Variants in TTLL7 observed in about 807,000 individuals in gnomAD.
TTLL7 encodes tubulin tyrosine ligase like 7.
TTLL7 carries 53 observed loss-of-function variants against 120.2 expected under a neutral mutation model. That is an observed-to-expected ratio of 0.44 (90% CI 0.35 to 0.55). The LOEUF (loss-of-function observed/expected upper bound fraction) is 0.55, where lower values mean the gene tolerates loss of function less well. Ranked by LOEUF, TTLL7 falls within the 20% of genes least tolerant of loss-of-function variation. The probability of loss-of-function intolerance (pLI) is 0.00; values close to 1 mark genes in which losing one functional copy is unlikely to be tolerated. For missense variants in TTLL7, 803 were observed against 1,054.7 expected, an observed-to-expected ratio of 0.76 and a Z score of 3.31; for synonymous variants, 353 against 351.7, an observed-to-expected ratio of 1.00 and a Z score of -0.04.
At chr1:83,919,856 C>A (rs1658494009) in intron 12 of TTLL7, 22 bp from the exon 13 acceptor site, 3 of 1,602,714 alleles carry the variant, frequency 1.9e-6, no homozygotes, top group Non-Finnish European at 2.6e-6. Context: ...TCAGATAAAC[C>A]AATTTTTTAA....
chr1:83,920,042 G>A (rs1658511496), intron 12 of TTLL7, among the ~76,000 whole-genome samples: 1 of 152,120 alleles, frequency 6.6e-6, no homozygotes, highest in East Asian at 1.9e-4. Context: ...GATTCACTTA[G>A]TAACTTTCTA....
Position 83,919,850 on chromosome 1 carries a change from A to G in TTLL7, c.1365-16T>C. On this transcript the variant is annotated splice_polypyrimidine_tract_variant and intron_variant, in intron 12 of 20. Transcript: ENST00000260505. ...ATAAATTCGTCTACAACAAAATCAG[A>G]TAAACCAATTTTTTAAAAAGAAGCT... The G allele has an allele frequency of 6.2e-7, 1 of 1,605,220 alleles. No individual in the cohort carries two copies. Among genetic ancestry groups the G allele is most frequent in the South Asian group, 1.1e-5 (1 of 89,752 alleles).
chr1:83,912,346 G>A (rs942208884), intron 14 of TTLL7: 1 of 152,148 alleles, frequency 6.6e-6, no homozygotes, highest in African/African-American at 2.4e-5. Flanking sequence ...TGGAAGGAAA[G>A]GGACGTGGGA....
At chr1:83,910,200 A>G (rs1195611509) in intron 15 of TTLL7, among the ~76,000 whole-genome samples, 11 of 152,134 alleles carry the variant, frequency 7.2e-5, no homozygotes. Flanking sequence ...TTTTGCCGTA[A>G]GTGTTTAAGG....
At chr1:83,986,054 C>A (rs1346548028) in intron 1 of TTLL7, among the ~76,000 whole-genome samples, 1 of 152,162 alleles carries the variant, frequency 6.6e-6, no homozygotes, top group Non-Finnish European at 1.5e-5. Flanking sequence ...CTTTCCAACT[C>A]ATTTTATGAG....
Position 83,942,564 on chromosome 1 carries a change from T to C in TTLL7, c.622A>G (p.Ile208Val). ...AGTGGATCACACGATGTAACCAGAA[T>C]ATAAATTCGTAAGTCAAACTTGTAA... Reference protein sequence around the residue: ...EGYKFDLRIYILVTSCDPLKI... With the variant: ...EGYKFDLRIYVLVTSCDPLKI... Residue 208 changes from isoleucine (I) to valine (V), a missense_variant, in exon 7 of 21, where the codon ATT becomes GTT. This residue lies in a region of TTLL7 where 324 missense variants were observed against 507.7 expected (regional missense o/e 0.64). Transcript: ENST00000260505. The C allele has an allele frequency of 6.2e-7, 1 of 1,614,028 alleles. No individual in the cohort carries two copies.
chr1:83,873,394 C>T (rs989357436), intron 20 of TTLL7, among the ~76,000 whole-genome samples: 3 of 152,032 alleles, frequency 2.0e-5, no homozygotes, highest in African/African-American at 7.2e-5. Flanking sequence ...ATGTTCCTTG[C>T]AATGAAGTTA....
At position 83,866,892 on chromosome 1, in the gene TTLL7, G is replaced by C. The variant is rs1652952827; in HGVS notation, c.*3070C>G. On this transcript the variant is annotated 3_prime_UTR_variant, in exon 21 of 21. Coordinates refer to ENST00000260505, the MANE Select transcript of TTLL7 (RefSeq NM_024686.6). ...GCAGTCTCAGACTACGTTTGTAAGTGATGATTTAAAATAAAAAAGGTTGTT... is the reference window on the plus strand; with the variant it reads ...GCAGTCTCAGACTACGTTTGTAAGTCATGATTTAAAATAAAAAAGGTTGTT... 6.6e-6 allele frequency: 1 copy of C among 151,924 alleles called. No homozygotes were observed. The highest frequency in any genetic ancestry group is 1.5e-5 in the Non-Finnish European group (1 of 67,824). The allele number at this position is 151,924 out of a possible 1,614,324, so 9.4% of individuals were successfully genotyped here. A position where few individuals can be genotyped will look rare whatever the true frequency, so the allele number is the denominator to read the frequency against.
intron 20 of TTLL7, among the ~76,000 whole-genome samples, chr1:83,877,663 T>C (rs1462091189): frequency 6.6e-6 from 1 of 152,002 alleles, no homozygotes; most frequent in Non-Finnish European, 1.5e-5. Flanking sequence ...TAAATATTTG[T>C]AGAATCTGTA....
At chr1:83,913,999 A>T (rs1194240697) in intron 14 of TTLL7, among the ~76,000 whole-genome samples, 1 of 152,220 alleles carries the variant, frequency 6.6e-6, no homozygotes, top group Non-Finnish European at 1.5e-5. Context: ...AGTGTTTCCC[A>T]AAGTGATGCC....
At chr1:83,994,167 C>A (rs1653256460) in intron 1 of TTLL7, among the ~76,000 whole-genome samples, 1 of 152,166 alleles carries the variant, frequency 6.6e-6, no homozygotes, top group African/African-American at 2.4e-5. Context: ...GGGTGGGAAT[C>A]CTCTTTTTGG....
At chr1:83,934,786 T>C (rs1233679628) in intron 8 of TTLL7, among the ~76,000 whole-genome samples, 1 of 152,144 alleles carries the variant, frequency 6.6e-6, no homozygotes, top group Non-Finnish European at 1.5e-5. Context: ...TTGTAACTTG[T>C]TAGCTGTGCA....
chr1:83,913,778 G>C (rs12410617), intron 14 of TTLL7, among the ~76,000 whole-genome samples: 65,935 of 151,958 alleles, frequency 0.43, 15,665 homozygotes, highest in Non-Finnish European at 0.54. Context: ...GAACAAATCA[G>C]ACAAAGTGAA....
rs1025024754 is a variant in TTLL7 at position 83,959,751 on chromosome 1, G to A, written c.-176-7364C>T. Among the ~76,000 whole-genome samples, 10 of 152,020 alleles carry A rather than the reference G, an allele frequency of 6.6e-5. 1 individual carries two copies. In the South Asian group the frequency reaches 1.0e-3, roughly 16 times the overall value. ...AAATTGTAGAGGGAAGGGAAAGGAG[G>A]AATGCAAATCAACACCAACAAGGGA... On this transcript the variant is annotated intron_variant, in intron 1 of 20. Coordinates refer to ENST00000260505, the MANE Select transcript of TTLL7 (RefSeq NM_024686.6).
intron 1 of TTLL7, among the ~76,000 whole-genome samples, chr1:83,953,360 G>A (rs1213642681): frequency 6.6e-6 from 1 of 152,000 alleles, no homozygotes; most frequent in Non-Finnish European, 1.5e-5. Context: ...ATTATGATAA[G>A]CAAAGGTATA....
intron 1 of TTLL7, among the ~76,000 whole-genome samples, chr1:83,968,083 CA>C (rs1650646503): frequency 6.6e-6 from 1 of 151,966 alleles, no homozygotes; most frequent in African/African-American, 2.4e-5. Flanking sequence ...GTATGAAAAC[CA>C]GCAACTTTGC....
At chr1:83,892,445 T>TATAC (rs1655662348) in intron 18 of TTLL7, among the ~76,000 whole-genome samples, 2 of 128,604 alleles carry the variant, frequency 1.6e-5, no homozygotes, top group African/African-American at 6.4e-5. Flanking sequence ...TATGAACATA[T>TATAC]GAATGAACAT....
intron 1 of TTLL7, among the ~76,000 whole-genome samples, chr1:83,968,142 T>C (rs1650652707): frequency 6.6e-6 from 1 of 152,012 alleles, no homozygotes; most frequent in African/African-American, 2.4e-5. Flanking sequence ...AAATGCACCA[T>C]ACCCATGGGC....
intron 1 of TTLL7, among the ~76,000 whole-genome samples, chr1:83,972,246 G>A (rs4258241): frequency 0.41 from 62,601 of 151,878 alleles, 14,949 homozygotes; most frequent in Non-Finnish European, 0.54. Flanking sequence ...AACATTATCT[G>A]TACTCTGTCT....
Sources: gnomAD v4.1 joint callset for allele counts (sites outside exome capture counted in the v4.1 genomes callset) on GRCh38, gnomAD v4.1.1 for gene constraint, gnomAD v4.1.1 regional missense constraint, MANE v1.5 for transcripts, NCBI Gene and HGNC (gene_info 2026-07-23, HGNC 2026-07-21) for gene names.